The following DNHD1 variants were observed in gnomAD, a reference collection of about 807,000 sequenced individuals.
DNHD1 encodes the protein dynein heavy chain domain 1.
DNHD1 carries 383 observed loss-of-function variants against 458.1 expected under a neutral mutation model. That is an observed-to-expected ratio of 0.84 (90% confidence interval 0.77 to 0.91). The LOEUF is 0.91. DNHD1 is among the 40% of genes least tolerant of loss of function. The pLI, the probability that DNHD1 is intolerant of heterozygous loss-of-function variation, is 0.00. For missense variants in DNHD1, 5,336 were observed against 5,866.1 expected, an observed-to-expected ratio of 0.91 and a Z score of 2.95; for synonymous variants, 2,203 against 2,376.9, an observed-to-expected ratio of 0.93 and a Z score of 2.13.
chr11:6,568,098 TG>T lies in DNHD1; in HGVS notation c.12397del (p.Asp4133ThrfsTer27). On this transcript the variant is annotated frameshift_variant, in exon 37 of 43. Transcript: ENST00000254579. LOFTEE classifies it high-confidence loss of function. The stretch of plus-strand genomic sequence containing the variant: ...GGTGATAGCCCTGGGCTCTGAAGCC[TG>T]GGACCCAGTCTCAGTTGTGGTCAGC... ...LQVIALGSEA[W>X]DPVSVVVSTL... The T allele has an allele frequency of 6.4e-7, 1 of 1,574,764 alleles. No individual in the cohort carries two copies. Among genetic ancestry groups the T allele is most frequent in the Admixed American group, 1.8e-5 (1 of 54,676 alleles).
chr11:6,519,681 T>C lies in DNHD1; in HGVS notation c.1474T>C (p.Ser492Pro), dbSNP rs1487123996. Residue 492 changes from serine (S) to proline (P), a missense_variant, in exon 8 of 43, where the codon TCC becomes CCC. This residue lies in a region of DNHD1 where 3,932 missense variants were observed against 4,365.6 expected (regional missense o/e 0.90). Transcript: ENST00000254579. ...TGACAGGATCAGGACAGGCCAAGGC[T>C]CCATATACCTTCAGAGGGTACAGCA... ...NCDRIRTGQGSIYLQRVQHKQ... is the reference protein window; with the variant it reads ...NCDRIRTGQGPIYLQRVQHKQ... The C allele has an allele frequency of 1.2e-6, 2 of 1,614,122 alleles. No homozygotes were observed. Among genetic ancestry groups the C allele is most frequent in the Non-Finnish European group, 1.7e-6 (2 of 1,180,026 alleles).
rs558542212 is a variant in DNHD1, at chr11:6,568,879, C to T, written c.12863+13C>T. On this transcript the variant is annotated intron_variant, in intron 39 of 42. Coordinates refer to ENST00000254579, the MANE Select transcript of DNHD1 (RefSeq NM_144666.3). ...ACAGGGGGCGCTGGTGAGGGACCCC[C>T]ACCCATTCCTGCTCAGTCAATCACT... 1.4e-4 allele frequency: 217 copies of T among 1,600,186 alleles called. 3 individuals are homozygous for T. The South Asian group carries it at 1.9e-3, about 14-fold the overall frequency.
At chr11:6,542,871 C>T (rs757553579) in intron 18 of DNHD1, among the ~76,000 whole-genome samples, 38 of 152,318 alleles carry the variant, frequency 2.5e-4, no homozygotes, top group Non-Finnish European at 4.3e-4. Context: ...ATCATGTTGG[C>T]AGACACAGCT....
intron 7 of DNHD1, among the ~76,000 whole-genome samples, chr11:6,515,351 C>G (rs947821002): frequency 6.6e-6 from 1 of 152,096 alleles, no homozygotes; most frequent in Non-Finnish European, 1.5e-5. Flanking sequence ...GGCAATTGTT[C>G]TAATAATGTC....
Position 6,558,112 on chromosome 11 carries a change from G to A in DNHD1, c.8817G>A (p.Gln2939=). The change falls in exon 25 of 43, where the codon CAG becomes CAA. Residue 2939 remains glutamine, a synonymous_variant. Transcript: ENST00000254579. ...DASWHAGMLS[Q]PVALLVPSGV... ...GCTGGCATGCTGGCATGTTAAGCCA[G>A]CCAGTGGCTCTGTTGGTACCCAGTG... 6.4e-7 allele frequency: 1 copy of A among 1,551,738 alleles called. No individual in the cohort carries two copies. The highest frequency in any genetic ancestry group is 8.7e-7 in the Non-Finnish European group (1 of 1,147,006).
At chr11:6,527,716 C>T (rs770840958) in intron 10 of DNHD1, among the ~76,000 whole-genome samples, 15 of 152,140 alleles carry the variant, frequency 9.9e-5, no homozygotes, top group Non-Finnish European at 2.1e-4. Context: ...AGAGTGAGTA[C>T]AGTTGGAGAA....
chr11:6,502,984 T>C (rs1473253061), intron 4 of DNHD1, 58 bp downstream of exon 4: 21 of 1,583,024 alleles, frequency 1.3e-5, no homozygotes, highest in Non-Finnish European at 1.6e-5. Context: ...TTCTATGCTA[T>C]CTTCCCCCTC....
intron 10 of DNHD1, among the ~76,000 whole-genome samples, chr11:6,526,088 C>A (rs1235592933): frequency 6.6e-6 from 1 of 151,870 alleles, no homozygotes; most frequent in Non-Finnish European, 1.5e-5. Flanking sequence ...ATCCTTATCA[C>A]CCATCCCCAA....
At chr11:6,501,269 C>A (rs537818715) in intron 3 of DNHD1, among the ~76,000 whole-genome samples, 2 of 147,876 alleles carry the variant, frequency 1.4e-5, no homozygotes, top group African/African-American at 5.0e-5. Context: ...AGCAGGGCAG[C>A]AGCTTGAAAG....
intron 24 of DNHD1, among the ~76,000 whole-genome samples, chr11:6,551,601 G>A (rs79594479): frequency 0.016 from 2,478 of 152,268 alleles, 23 homozygotes; most frequent in Non-Finnish European, 0.027. Flanking sequence ...CATAAATTTT[G>A]AATATCAGGA....
At chr11:6,553,959 C>G (rs1450840007) in intron 24 of DNHD1, among the ~76,000 whole-genome samples, 1 of 122,294 alleles carries the variant, frequency 8.2e-6, no homozygotes, top group Non-Finnish European at 1.8e-5. Context: ...TAAATCTTAA[C>G]AGATTTTTTT....
At chr11:6,537,982 G>A (rs997902991) in intron 14 of DNHD1, among the ~76,000 whole-genome samples, 1 of 152,140 alleles carries the variant, frequency 6.6e-6, no homozygotes, top group Non-Finnish European at 1.5e-5. Context: ...AGCTGGTGAG[G>A]GCATGAGCCA....
chr11:6,554,076 T>A (rs1348755397), intron 24 of DNHD1, among the ~76,000 whole-genome samples: 1 of 152,196 alleles, frequency 6.6e-6, no homozygotes, highest in African/African-American at 2.4e-5. Context: ...ACACTAGTGA[T>A]GTTAAAACTT....
At position 6,568,125 on chromosome 11, in the gene DNHD1, A is replaced by C. The variant is rs1379695602; in HGVS notation, c.12421A>C (p.Thr4141Pro). 1.3e-6 allele frequency: 2 copies of C among 1,565,150 alleles called. No homozygotes were observed. Among genetic ancestry groups the C allele is most frequent in the African/African-American group, 2.7e-5 (2 of 73,594 alleles). Residue 4141 changes from threonine to proline, a missense_variant, in exon 37 of 43, where the codon ACT (threonine) becomes CCT (proline). Physicochemically the swap from Thr to Pro is conservative, Grantham distance 38. Around this residue, in one of 4 missense-constraint regions of DNHD1, gnomAD observed 695 missense variants for 804.2 expected, o/e 0.86. Coordinates refer to ENST00000254579, the MANE Select transcript of DNHD1 (RefSeq NM_144666.3). ...AWDPVSVVVSTLSQAMYEGHW... is the reference protein window; with the variant it reads ...AWDPVSVVVSPLSQAMYEGHW... ...GGACCCAGTCTCAGTTGTGGTCAGCACTCTATCCCAGGCTATGTATGAGGG... is the reference window on the plus strand; with the variant it reads ...GGACCCAGTCTCAGTTGTGGTCAGCCCTCTATCCCAGGCTATGTATGAGGG...
chr11:6,534,200 T>C, intron 14 of DNHD1, 27 bp downstream of exon 14: 1 of 1,545,828 alleles, frequency 6.5e-7, no homozygotes, highest in African/African-American at 1.4e-5. Context: ...CACCCTCCAT[T>C]ATCACTCTGT....
chr11:6,515,969 A>G (rs1852455325), intron 7 of DNHD1, among the ~76,000 whole-genome samples: 1 of 151,746 alleles, frequency 6.6e-6, no homozygotes, highest in Admixed American at 6.6e-5. Flanking sequence ...TATTTCTTTT[A>G]TAGAGGCAGG....
At chr11:6,551,202 A>C (rs1387225426) in intron 24 of DNHD1, among the ~76,000 whole-genome samples, 1 of 152,240 alleles carries the variant, frequency 6.6e-6, no homozygotes, top group Non-Finnish European at 1.5e-5. Context: ...AGAATTTCCA[A>C]ATTCTTTAAA....
At chr11:6,533,306 C>T (rs928408905) in intron 13 of DNHD1, 122 bp downstream of exon 13, 68 of 1,058,200 alleles carry the variant, frequency 6.4e-5, no homozygotes, top group Non-Finnish European at 8.8e-5. Context: ...AAACTGTGCT[C>T]GCCTAAGAGA....
intron 7 of DNHD1, among the ~76,000 whole-genome samples, chr11:6,514,384 G>A (rs1030294048): frequency 6.6e-6 from 1 of 152,170 alleles, no homozygotes; most frequent in Non-Finnish European, 1.5e-5. Context: ...GATTACAGGT[G>A]TGAGCCACTG....
Sources: gnomAD v4.1 joint callset for allele counts (sites outside exome capture counted in the v4.1 genomes callset) on GRCh38, gnomAD v4.1.1 for gene constraint, gnomAD v4.1.1 regional missense constraint, MANE v1.5 for transcripts, NCBI Gene and HGNC (gene_info 2026-07-23, HGNC 2026-07-21) for gene names.